Variants in PPP2R5A observed in about 807,000 individuals in gnomAD.
PPP2R5A encodes the protein protein phosphatase 2 regulatory subunit B'alpha, also known as serine/threonine-protein phosphatase 2A 56 kDa regulatory subunit alpha isoform.
Under a neutral mutation model 64.2 loss-of-function variants are expected in PPP2R5A, and 25 were observed. The ratio of observed to expected loss-of-function variants is 0.39; its 90% CI spans 0.28 to 0.54. The LOEUF (loss-of-function observed/expected upper bound fraction) is 0.54, where lower values mean the gene tolerates loss of function less well. Ranked by LOEUF, PPP2R5A falls within the 20% of genes least tolerant of loss-of-function variation. The pLI, the probability that PPP2R5A is intolerant of heterozygous loss-of-function variation, is 0.67. For missense variants in PPP2R5A, 425 were observed against 576.3 expected, an observed-to-expected ratio of 0.74 and a Z score of 2.69; for synonymous variants, 198 against 201.2, an observed-to-expected ratio of 0.98 and a Z score of 0.13.
chr1:212,286,229 G>T lies in PPP2R5A; in HGVS notation c.119G>T (p.Gly40Val). The change falls in exon 1 of 13, where the codon GGC becomes GTC. Residue 40 changes from glycine to valine, a missense_variant. Coordinates refer to ENST00000261461, the MANE Select transcript of PPP2R5A (RefSeq NM_006243.4). The stretch of plus-strand genomic sequence containing the variant: ...GCGCAGAGGCAGAAGCGCTCCCAGG[G>T]CTCGTCGCAGTTTCGCAGCCAGGGC... ...RKAQRQKRSQGSSQFRSQGSQ... is the reference protein window; with the variant it reads ...RKAQRQKRSQVSSQFRSQGSQ... 6.4e-7 allele frequency: 1 copy of T among 1,565,670 alleles called. No individual in the cohort carries two copies.
intron 1 of PPP2R5A, among the ~76,000 whole-genome samples, chr1:212,322,755 T>TTTATTTATTTA (rs147135497): frequency 1.4e-5 from 2 of 147,010 alleles, no homozygotes; most frequent in Non-Finnish European, 3.0e-5. Flanking sequence ...TTAATTCTCA[T>TTTATTTATTTA]TTTATTTATT....
chr1:212,347,734 T>C (rs1360552746), intron 6 of PPP2R5A, among the ~76,000 whole-genome samples: 1 of 152,080 alleles, frequency 6.6e-6, no homozygotes, highest in African/African-American at 2.4e-5. Context: ...TTAGTAGCGA[T>C]GGGGTTTCAC....
Position 212,360,677 on chromosome 1 carries a change from A to T in PPP2R5A, c.1368A>T (p.Lys456Asn), listed in dbSNP as rs777798963. Residue 456 changes from lysine (K) to asparagine (N), a missense_variant, in exon 13 of 13, where the codon AAA becomes AAT. This residue lies in a region of PPP2R5A where 177 missense variants were observed against 244.8 expected (regional missense o/e 0.72). Coordinates refer to ENST00000261461, the MANE Select transcript of PPP2R5A (RefSeq NM_006243.4). ...KKELEREELW[K>N]KLEELKLKKA... Reference sequence around the variant, plus strand: ...AATTGGAACGTGAAGAATTATGGAAAAAATTAGAGGAGCTAAAGCTAAAGA... The same window carrying T: ...AATTGGAACGTGAAGAATTATGGAATAAATTAGAGGAGCTAAAGCTAAAGA... The T allele has an allele frequency of 4.4e-6, 7 of 1,592,502 alleles. No homozygotes were observed. In the African/African-American group the frequency reaches 6.8e-5, roughly 15 times the overall value.
chr1:212,348,949 TTAC>T, intron 7 of PPP2R5A, among the ~76,000 whole-genome samples: 1 of 152,278 alleles, frequency 6.6e-6, no homozygotes, highest in African/African-American at 2.4e-5. Context: ...TAGTCAGAAA[TTAC>T]TACTAAAAAT....
intron 1 of PPP2R5A, among the ~76,000 whole-genome samples, chr1:212,288,602 A>G (rs981031544): frequency 3.3e-5 from 5 of 152,194 alleles, no homozygotes; most frequent in Admixed American, 1.3e-4. Flanking sequence ...TCCAGATGCC[A>G]AAATGCTTGC....
intron 1 of PPP2R5A, among the ~76,000 whole-genome samples, chr1:212,328,190 C>T (rs1659439839): frequency 6.6e-6 from 1 of 152,310 alleles, no homozygotes; most frequent in Middle Eastern, 3.4e-3. Flanking sequence ...AATACTATAA[C>T]AGAGATATGC....
intron 4 of PPP2R5A, among the ~76,000 whole-genome samples, chr1:212,344,980 A>G (rs1043521586): frequency 2.6e-5 from 4 of 152,228 alleles, no homozygotes; most frequent in Admixed American, 2.0e-4. Context: ...CCTGGGCAAC[A>G]TGGTGAAACC....
chr1:212,301,210 C>A (rs1367239857), intron 1 of PPP2R5A, among the ~76,000 whole-genome samples: 1 of 152,190 alleles, frequency 6.6e-6, no homozygotes, highest in Non-Finnish European at 1.5e-5. Flanking sequence ...GGGGTTTCGC[C>A]ATGTGGGCCA....
chr1:212,354,525 AAAATT>A (rs1386526068), intron 8 of PPP2R5A, among the ~76,000 whole-genome samples: 3 of 151,994 alleles, frequency 2.0e-5, no homozygotes, highest in Non-Finnish European at 4.4e-5. Context: ...CAAAAAGTAA[AAAATT>A]AAAATTAGCC....
intron 4 of PPP2R5A, among the ~76,000 whole-genome samples, 178 bp downstream of exon 4, chr1:212,342,458 T>G (rs1009979157): frequency 2.6e-5 from 4 of 152,214 alleles, no homozygotes; most frequent in African/African-American, 9.6e-5. Context: ...AGAGTATTTT[T>G]ATCAAGGGTG....
At position 212,300,350 on chromosome 1, in the gene PPP2R5A, A is replaced by C. The variant is rs561205758; in HGVS notation, c.181+14059A>C. Among the ~76,000 whole-genome samples, 3 of 152,352 alleles carry C rather than the reference A, an allele frequency of 2.0e-5. No homozygotes were observed. In the East Asian group the frequency reaches 5.8e-4, roughly 29 times the overall value. ...AGGTTATAATACAATACTTGCTGTG[A>C]GTCATCAGCGAATCTCAGTTTTCAT... On this transcript the variant is annotated intron_variant, in intron 1 of 12. Coordinates refer to ENST00000261461, the MANE Select transcript of PPP2R5A (RefSeq NM_006243.4).
rs551506524 is a variant in PPP2R5A at position 212,348,775 on chromosome 1, A to G, written c.873+278A>G. On this transcript the variant is annotated intron_variant, in intron 7 of 12. Coordinates refer to ENST00000261461, the MANE Select transcript of PPP2R5A (RefSeq NM_006243.4). ...TTATGTGACTTTGAATAAATCCCAC[A>G]TATCTACAGAATGTTTCTTCCAGCT... 2.5e-4 allele frequency among the ~76,000 whole-genome samples: 38 copies of G among 152,298 alleles called. No homozygotes were observed. In the South Asian group the frequency reaches 7.2e-3, roughly 29 times the overall value.
intron 3 of PPP2R5A, among the ~76,000 whole-genome samples, chr1:212,338,837 G>A (rs1174684130): frequency 6.6e-6 from 1 of 151,400 alleles, no homozygotes; most frequent in Non-Finnish European, 1.5e-5. Flanking sequence ...CAGTCACTAC[G>A]TAGAAACACA....
rs574187279 is a variant in PPP2R5A, at chr1:212,327,877, C to T, written c.182-1258C>T. Among the ~76,000 whole-genome samples the T allele has an allele frequency of 7.9e-5, 12 of 152,290 alleles. No homozygotes were observed. In the South Asian group the frequency reaches 2.3e-3, roughly 29 times the overall value. ...TTGCCCAGGCTGGAATGCAGTGGTGCGATTTCGGCTCGCTGCAACCCCAGC... is the reference window on the plus strand; with the variant it reads ...TTGCCCAGGCTGGAATGCAGTGGTGTGATTTCGGCTCGCTGCAACCCCAGC... On this transcript the variant is annotated intron_variant, in intron 1 of 12. Transcript: ENST00000261461.
chr1:212,354,577 G>A (rs1659944173), intron 8 of PPP2R5A, among the ~76,000 whole-genome samples: 1 of 151,650 alleles, frequency 6.6e-6, no homozygotes, highest in South Asian at 2.1e-4. Flanking sequence ...CCAGCTACTT[G>A]GGAGGCTGAG....
At chr1:212,322,627 C>CGTT (rs1332170067) in intron 1 of PPP2R5A, among the ~76,000 whole-genome samples, 1 of 152,122 alleles carries the variant, frequency 6.6e-6, no homozygotes, top group Non-Finnish European at 1.5e-5. Flanking sequence ...CTCATTTAAC[C>CGTT]GTTTACAGTA....
intron 1 of PPP2R5A, among the ~76,000 whole-genome samples, chr1:212,327,011 T>C (rs1042104502): frequency 4.6e-5 from 7 of 152,222 alleles, no homozygotes; most frequent in African/African-American, 1.7e-4. Flanking sequence ...CAGTACCTTA[T>C]CTAAATCAGC....
At chr1:212,319,790 T>A (rs1470235060) in intron 1 of PPP2R5A, among the ~76,000 whole-genome samples, 1 of 151,550 alleles carries the variant, frequency 6.6e-6, no homozygotes. Context: ...CCGGCTAATT[T>A]TTTTGTATTT....
At position 212,360,695 on chromosome 1, in the gene PPP2R5A, G is replaced by C. The variant is rs1328135667; in HGVS notation, c.1386G>C (p.Lys462Asn). 19 of 1,596,468 alleles carry C rather than the reference G, an allele frequency of 1.2e-5. No individual in the cohort carries two copies. Among genetic ancestry groups the C allele is most frequent in the Non-Finnish European group, 1.6e-5 (19 of 1,170,140 alleles). ...TATGGAAAAAATTAGAGGAGCTAAA[G>C]CTAAAGAAAGCTCTAGAAAAACAGA... ...EELWKKLEELKLKKALEKQNS... is the reference protein window; with the variant it reads ...EELWKKLEELNLKKALEKQNS... The change falls in exon 13 of 13, where the codon AAG becomes AAC. Residue 462 changes from lysine to asparagine, a missense_variant. Physicochemically the swap from Lys to Asn is moderately conservative, Grantham distance 94 (BLOSUM62 0). This residue lies in a region of PPP2R5A where 177 missense variants were observed against 244.8 expected (regional missense o/e 0.72). Coordinates refer to ENST00000261461, the MANE Select transcript of PPP2R5A (RefSeq NM_006243.4).
Sources: gnomAD v4.1 joint callset for allele counts (sites outside exome capture counted in the v4.1 genomes callset) on GRCh38, gnomAD v4.1.1 for gene constraint, gnomAD v4.1.1 regional missense constraint, MANE v1.5 for transcripts, NCBI Gene and HGNC (gene_info 2026-07-23, HGNC 2026-07-21) for gene names.